The following ADARB2 variants were observed in gnomAD, a reference collection of about 807,000 sequenced individuals.
ADARB2 encodes inactive double-stranded RNA-specific editase B2.
In ADARB2, 25 loss-of-function variants were observed where a neutral mutation model predicts 62.2. The ratio of observed to expected loss-of-function variants is 0.40; its 90% confidence interval spans 0.29 to 0.56. The LOEUF is 0.56. Among genes scored for constraint, ADARB2 ranks in the 20% least tolerant of loss-of-function variants. The probability of loss-of-function intolerance (pLI) is 0.43; values close to 1 mark genes in which losing one functional copy is unlikely to be tolerated. For missense variants in ADARB2, 1,071 were observed against 1,077.4 expected, an observed-to-expected ratio of 0.99 and a Z score of 0.08; for synonymous variants, 572 against 500.8, an observed-to-expected ratio of 1.14 and a Z score of -1.90.
intron 1 of ADARB2, chr10:1,557,106 G>T (rs1258522176): frequency 5.8e-6 from 2 of 342,588 alleles, no homozygotes; most frequent in Non-Finnish European, 1.1e-5. Flanking sequence ...TCCTTCCATT[G>T]CCTCAGTTTC....
At chr10:1,484,495 T>G (rs1399188295) in intron 1 of ADARB2, among the ~76,000 whole-genome samples, 1 of 152,214 alleles carries the variant, frequency 6.6e-6, no homozygotes, top group Non-Finnish European at 1.5e-5. Context: ...TCTGTCCAAG[T>G]CACTTCTCCA....
At chr10:1,381,842 G>A (rs904347235) in intron 1 of ADARB2, among the ~76,000 whole-genome samples, 2 of 152,178 alleles carry the variant, frequency 1.3e-5, no homozygotes, top group Non-Finnish European at 2.9e-5. Flanking sequence ...CATGGGGTGA[G>A]GGGAGAAAGG....
intron 6 of ADARB2, among the ~76,000 whole-genome samples, chr10:1,223,814 A>T (rs567946130): frequency 6.6e-6 from 1 of 152,208 alleles, no homozygotes; most frequent in South Asian, 2.1e-4. Flanking sequence ...GTGCTGCTGG[A>T]TTCGTTTTGC....
intron 1 of ADARB2, among the ~76,000 whole-genome samples, chr10:1,649,213 G>A (rs1464111580): frequency 6.6e-6 from 1 of 152,120 alleles, no homozygotes. Flanking sequence ...AAAAAAAGAA[G>A]GATGATTTAT....
intron 1 of ADARB2, among the ~76,000 whole-genome samples, chr10:1,608,776 G>T (rs982513995): frequency 1.0e-5 from 1 of 95,814 alleles, no homozygotes; most frequent in African/African-American, 3.8e-5. Flanking sequence ...AAGAGAAAGA[G>T]AAAGAAAGAA....
At chr10:1,607,606 A>C (rs1017118388) in intron 1 of ADARB2, among the ~76,000 whole-genome samples, 4 of 152,176 alleles carry the variant, frequency 2.6e-5, no homozygotes, top group Middle Eastern at 3.4e-3. Context: ...GGAGCTCTGC[A>C]TCAGTGCCAT....
intron 1 of ADARB2, among the ~76,000 whole-genome samples, chr10:1,652,208 C>T (rs1022460129): frequency 2.0e-5 from 3 of 152,220 alleles, no homozygotes; most frequent in Admixed American, 2.0e-4. Context: ...CCCTGCAGCA[C>T]AGCCCTGGCC....
intron 1 of ADARB2, among the ~76,000 whole-genome samples, chr10:1,720,103 T>C (rs1835071730): frequency 6.6e-6 from 1 of 152,118 alleles, no homozygotes; most frequent in Non-Finnish European, 1.5e-5. Context: ...CTATTCACAA[T>C]AGCAAAGGCA....
rs959105046 is a variant in ADARB2 at position 1,495,872 on chromosome 10, A to G, written c.101-116712T>C. 2.6e-5 allele frequency among the ~76,000 whole-genome samples: 4 copies of G among 152,052 alleles called. No individual in the cohort carries two copies. In the East Asian group the frequency reaches 7.7e-4, roughly 29 times the overall value. ...CATTACCATCATCTTCATCACCATC[A>G]TTATTATCATAATCACCTTCATTAG... On this transcript the variant is annotated intron_variant, in intron 1 of 9. Transcript: ENST00000381312.
chr10:1,340,159 A>C, intron 3 of ADARB2, among the ~76,000 whole-genome samples: 1 of 149,482 alleles, frequency 6.7e-6, no homozygotes. Flanking sequence ...AGCATCCACC[A>C]GAGAACCACA....
intron 7 of ADARB2, among the ~76,000 whole-genome samples, chr10:1,213,151 A>C (rs1469055695): frequency 6.6e-6 from 1 of 152,092 alleles, no homozygotes; most frequent in Non-Finnish European, 1.5e-5. Flanking sequence ...AGAGACAGAG[A>C]CACAGAAAGA....
At chr10:1,628,100 AC>A (rs1338144136) in intron 1 of ADARB2, among the ~76,000 whole-genome samples, 1 of 152,236 alleles carries the variant, frequency 6.6e-6, no homozygotes, top group African/African-American at 2.4e-5. Flanking sequence ...CAGGAAAGAC[AC>A]ATCTACCCTG....
At chr10:1,605,628 A>G (rs1299269980) in intron 1 of ADARB2, among the ~76,000 whole-genome samples, 1 of 152,220 alleles carries the variant, frequency 6.6e-6, no homozygotes, top group Non-Finnish European at 1.5e-5. Context: ...GTTGCTTTTT[A>G]TAACTATTTT....
At chr10:1,486,413 T>C (rs1191428059) in intron 1 of ADARB2, among the ~76,000 whole-genome samples, 8 of 152,214 alleles carry the variant, frequency 5.3e-5, no homozygotes, top group Non-Finnish European at 1.2e-4. Context: ...GTAAATCATC[T>C]GGAGAGTCGA....
At chr10:1,532,950 ACCCTG>A (rs966611982) in intron 1 of ADARB2, among the ~76,000 whole-genome samples, 1 of 151,900 alleles carries the variant, frequency 6.6e-6, no homozygotes, top group Non-Finnish European at 1.5e-5. Context: ...GTCTGTAATG[ACCCTG>A]CCCTGAAATG....
At chr10:1,578,552 G>A (rs1833051675) in intron 1 of ADARB2, among the ~76,000 whole-genome samples, 1 of 152,128 alleles carries the variant, frequency 6.6e-6, no homozygotes, top group African/African-American at 2.4e-5. Flanking sequence ...GGCCCTTGGC[G>A]TGGGTCTGGA....
At chr10:1,246,341 G>T (rs865974830) in intron 4 of ADARB2, among the ~76,000 whole-genome samples, 1 of 142,030 alleles carries the variant, frequency 7.0e-6, no homozygotes, top group African/African-American at 2.7e-5. Flanking sequence ...CTTTAGTTTA[G>T]TTAGATCCCA....
intron 1 of ADARB2, among the ~76,000 whole-genome samples, chr10:1,641,649 C>G (rs1464288134): frequency 6.6e-6 from 1 of 152,206 alleles, no homozygotes; most frequent in Non-Finnish European, 1.5e-5. Flanking sequence ...GCACGTCTTA[C>G]CAGCATCTGC....
intron 1 of ADARB2, among the ~76,000 whole-genome samples, chr10:1,566,377 G>T (rs2813373): frequency 2.6e-5 from 4 of 152,170 alleles, no homozygotes; most frequent in Non-Finnish European, 5.9e-5. Context: ...ACGGTACTAA[G>T]AAATTGTTTT....
Sources: allele counts gnomAD v4.1 joint callset (sites outside exome capture counted in the v4.1 genomes callset), GRCh38; gene constraint gnomAD v4.1.1; transcripts MANE v1.5; gene names NCBI Gene and HGNC (gene_info 2026-07-23, HGNC 2026-07-21).